Variants in MICAL2 observed in about 807,000 individuals in gnomAD.
MICAL2 encodes [F-actin]-monooxygenase MICAL2.
MICAL2 carries 77 observed loss-of-function variants against 127.3 expected under a neutral mutation model. The observed-to-expected ratio is 0.60, with a 90% confidence interval of 0.50 to 0.73. The LOEUF (loss-of-function observed/expected upper bound fraction) is 0.73, where lower values mean the gene tolerates loss of function less well. Ranked by LOEUF, MICAL2 falls within the 30% of genes least tolerant of loss-of-function variation. The pLI, the probability that MICAL2 is intolerant of heterozygous loss-of-function variation, is 0.00. For synonymous variants in MICAL2, 570 were observed against 551.1 expected (o/e 1.03, Z -0.48); for missense variants, 1,351 against 1,434.4 (o/e 0.94, Z 0.94).
chr11:12,271,086 A>G (rs1424170395), upstream of MICAL2, among the ~76,000 whole-genome samples: 1 of 152,042 alleles, frequency 6.6e-6, no homozygotes, highest in Non-Finnish European at 1.5e-5. Flanking sequence ...TAGGCCTTGG[A>G]CCCGGCACTT....
At chr11:12,341,936 G>A (rs1038972590) in intron 32 of MICAL2, among the ~76,000 whole-genome samples, 31 of 152,334 alleles carry the variant, frequency 2.0e-4, no homozygotes, top group African/African-American at 7.0e-4. Context: ...GTAACATAGT[G>A]TGCTTTGCAA....
intron 32 of MICAL2, among the ~76,000 whole-genome samples, chr11:12,348,902 A>C (rs1938999526): frequency 6.6e-6 from 1 of 152,182 alleles, no homozygotes; most frequent in East Asian, 1.9e-4. Context: ...CTACAAAATA[A>C]ACAGCAGCTC....
At chr11:12,342,509 T>G (rs1173303098) in intron 32 of MICAL2, among the ~76,000 whole-genome samples, 1 of 152,248 alleles carries the variant, frequency 6.6e-6, no homozygotes, top group Non-Finnish European at 1.5e-5. Flanking sequence ...AGCTGAATTC[T>G]AAAGGTGAAC....
At chr11:12,272,538 G>T (rs1387720050), upstream of MICAL2, among the ~76,000 whole-genome samples, 1 of 152,148 alleles carries the variant, frequency 6.6e-6, no homozygotes, top group Admixed American at 6.5e-5. Flanking sequence ...ACAAGCATTT[G>T]GGCACACAGC....
At chr11:12,322,309 C>A (rs78174437) in intron 30 of MICAL2, among the ~76,000 whole-genome samples, 1 of 152,120 alleles carries the variant, frequency 6.6e-6, no homozygotes, top group African/African-American at 2.4e-5. Flanking sequence ...CACCTCTTCC[C>A]TAGAGCCTTT....
chr11:12,182,973 G>A lies in MICAL2; in HGVS notation c.264+20554G>A, dbSNP rs147882986. Among the ~76,000 whole-genome samples, 21 of 152,196 alleles carry A rather than the reference G, an allele frequency of 1.4e-4. No individual in the cohort carries two copies. In the East Asian group the frequency reaches 2.1e-3, roughly 15 times the overall value. On this transcript the variant is annotated intron_variant, in intron 3 of 27. Coordinates refer to ENST00000683283, the MANE Select transcript of MICAL2 (RefSeq NM_001282663.2). ...ATTAATCATTGTCCTCGGTGGCCCC[G>A]CAGACCTGCGTTTACTCTCACTGCT...
chr11:12,303,278 T>C (rs73422732), intron 29 of MICAL2, among the ~76,000 whole-genome samples: 6,366 of 152,340 alleles, frequency 0.042, 235 homozygotes, highest in East Asian at 0.14. Flanking sequence ...AATCTTTCCC[T>C]ACTCCAAGGT....
intron 1 of MICAL2, among the ~76,000 whole-genome samples, chr11:12,126,395 G>C (rs1250345808): frequency 6.6e-6 from 1 of 152,164 alleles, no homozygotes; most frequent in Non-Finnish European, 1.5e-5. Context: ...CAGTTCAGTG[G>C]AGTGAGATTA....
chr11:12,149,047 C>G (rs1334570763), intron 2 of MICAL2, among the ~76,000 whole-genome samples: 1 of 152,184 alleles, frequency 6.6e-6, no homozygotes, highest in East Asian at 1.9e-4. Context: ...ACTCCAGAGT[C>G]CAAACTGGGA....
chr11:12,314,645 A>ATTTTTTTTTTTTTTTT (rs545442574), intron 29 of MICAL2, among the ~76,000 whole-genome samples: 9 of 123,024 alleles, frequency 7.3e-5, no homozygotes, highest in East Asian at 2.4e-4. Context: ...TGCCCAGCTA[A>ATTTTTTTTTTTTTTTT]TTTTTTTTTT....
chr11:12,341,350 G>C (rs1430519634), intron 32 of MICAL2, among the ~76,000 whole-genome samples: 1 of 151,864 alleles, frequency 6.6e-6, no homozygotes, highest in Non-Finnish European at 1.5e-5. Flanking sequence ...CATCAAAAGA[G>C]ATAGATAGTT....
chr11:12,245,918 G>A (rs2134523542), intron 21 of MICAL2, among the ~76,000 whole-genome samples: 1 of 152,350 alleles, frequency 6.6e-6, no homozygotes, highest in South Asian at 2.1e-4. Context: ...CACGGACCAG[G>A]CAGTGGCTTG....
intron 32 of MICAL2, among the ~76,000 whole-genome samples, chr11:12,342,872 T>C (rs536509101): frequency 5.9e-5 from 9 of 152,148 alleles, no homozygotes; most frequent in Non-Finnish European, 1.3e-4. Flanking sequence ...GCATTTATAG[T>C]GAGGGGCAAT....
At chr11:12,222,120 G>T (rs1856886303) in intron 10 of MICAL2, among the ~76,000 whole-genome samples, 1 of 152,194 alleles carries the variant, frequency 6.6e-6, no homozygotes, top group African/African-American at 2.4e-5. Flanking sequence ...TCCTGGATGG[G>T]GGTTGGATTC....
At chr11:12,176,641 C>G (rs747502341) in intron 3 of MICAL2, among the ~76,000 whole-genome samples, 8 of 152,090 alleles carry the variant, frequency 5.3e-5, no homozygotes, top group Non-Finnish European at 1.0e-4. Context: ...GACAATTCTC[C>G]CCTCCCCTCA....
At position 12,255,731 on chromosome 11, in the gene MICAL2, A is replaced by G; in HGVS notation, c.2936A>G (p.Gln979Arg). 1 of 1,613,754 alleles carries G rather than the reference A, an allele frequency of 6.2e-7. No homozygotes were observed. The highest frequency in any genetic ancestry group is 1.1e-5 in the South Asian group (1 of 90,964). ...ATGAATGATCACAGACCTAAGGCCC[A>G]GGCCACCTCTCCAGACCTGGTAAGG... ...LYMNDHRPKA[Q>R]ATSPDLESMR... Residue 979 changes from glutamine (Q) to arginine (R), a missense_variant, in exon 23 of 28, where the codon CAG (glutamine) becomes CGG (arginine). This residue lies in a region of MICAL2 where 752 missense variants were observed against 719.4 expected (regional missense o/e 1.05). Transcript: ENST00000683283.
At chr11:12,224,876 CTGCA>C in intron 13 of MICAL2, 56 bp downstream of exon 13, 1 of 1,558,902 alleles carries the variant, frequency 6.4e-7, no homozygotes, top group Admixed American at 1.9e-5. Context: ...GGCCATTCTG[CTGCA>C]TGCAGAATCT....
At chr11:12,175,734 G>A (rs1394451302) in intron 3 of MICAL2, among the ~76,000 whole-genome samples, 1 of 152,108 alleles carries the variant, frequency 6.6e-6, no homozygotes, top group Non-Finnish European at 1.5e-5. Context: ...AGACCTAAAG[G>A]AGCAAGGTGA....
intron 6 of MICAL2, among the ~76,000 whole-genome samples, chr11:12,210,133 C>T (rs1451711690): frequency 6.6e-6 from 1 of 152,134 alleles, no homozygotes; most frequent in Non-Finnish European, 1.5e-5. Context: ...GTATGTCTTG[C>T]CAAACTGTCA....
Sources: gnomAD v4.1 joint callset for allele counts (sites outside exome capture counted in the v4.1 genomes callset) on GRCh38, gnomAD v4.1.1 for gene constraint, gnomAD v4.1.1 regional missense constraint, MANE v1.5 for transcripts, NCBI Gene and HGNC (gene_info 2026-07-23, HGNC 2026-07-21) for gene names.